Variants in DLG2 observed in about 807,000 individuals in gnomAD.
DLG2 encodes disks large homolog 2.
Under a neutral mutation model 132.5 loss-of-function variants are expected in DLG2, and 45 were observed. The observed-to-expected ratio is 0.34, with a 90% CI of 0.27 to 0.44. The LOEUF (loss-of-function observed/expected upper bound fraction) is 0.44. DLG2 is among the 20% of genes least tolerant of loss of function. The pLI, the probability that DLG2 is intolerant of heterozygous loss-of-function variation, is 1.00. For missense variants in DLG2, 1,045 were observed against 1,196.9 expected (o/e 0.87, Z 1.87); for synonymous variants, 424 against 419.6 (o/e 1.01, Z -0.13).
At chr11:84,433,710 G>A (rs1340755456) in intron 7 of DLG2, among the ~76,000 whole-genome samples, 1 of 152,164 alleles carries the variant, frequency 6.6e-6, no homozygotes, top group Non-Finnish European at 1.5e-5. Flanking sequence ...ACAATTGCCA[G>A]GCATTTAGGT....
intron 15 of DLG2, among the ~76,000 whole-genome samples, chr11:83,891,214 G>A (rs1565521686): frequency 1.3e-5 from 2 of 152,056 alleles, no homozygotes; most frequent in Non-Finnish European, 2.9e-5. Context: ...TGAAGACTTA[G>A]TGATAGGAAA....
chr11:84,810,450 C>T (rs996240770), intron 6 of DLG2, among the ~76,000 whole-genome samples: 3 of 152,096 alleles, frequency 2.0e-5, no homozygotes, highest in Non-Finnish European at 4.4e-5. Flanking sequence ...GACATCACTA[C>T]ATACAAAATG....
chr11:83,684,748 A>G (rs576524247), intron 18 of DLG2, among the ~76,000 whole-genome samples: 1 of 152,118 alleles, frequency 6.6e-6, no homozygotes, highest in Non-Finnish European at 1.5e-5. Flanking sequence ...ACCTACATTT[A>G]GCCCCCAAAT....
At chr11:84,724,656 C>T (rs1565786796) in intron 6 of DLG2, among the ~76,000 whole-genome samples, 1 of 151,962 alleles carries the variant, frequency 6.6e-6, no homozygotes. Flanking sequence ...TCAATCTTAC[C>T]AAAAAAAGGA....
At position 83,456,550 on chromosome 11, in the gene DLG2, C is replaced by T. The variant is rs75715993; in HGVS notation, c.*3268G>A. 1,193 of 149,998 alleles carry T rather than the reference C, an allele frequency of 8.0e-3. 19 individuals carry two copies. Among genetic ancestry groups the T allele is most frequent in the African/African-American group, 0.027 (1,096 of 40,506 alleles). 9.3% of individuals were successfully genotyped at this position (149,998 alleles called of 1,614,324 possible). ...AATAAGAAGGGCAGAGAAACAGAGA[C>T]TAAAGGAGAGGTGGACAAAAAGAGA... On this transcript the variant is annotated 3_prime_UTR_variant, in exon 28 of 28. Coordinates refer to ENST00000376104, the MANE Select transcript of DLG2 (RefSeq NM_001142699.3).
At chr11:83,806,685 T>C (rs1374344866) in intron 17 of DLG2, among the ~76,000 whole-genome samples, 1 of 152,160 alleles carries the variant, frequency 6.6e-6, no homozygotes, top group Non-Finnish European at 1.5e-5. Flanking sequence ...ATCGATGTCC[T>C]CATACATTAT....
At chr11:84,501,739 G>C (rs1462632673) in intron 7 of DLG2, among the ~76,000 whole-genome samples, 1 of 152,056 alleles carries the variant, frequency 6.6e-6, no homozygotes, top group Non-Finnish European at 1.5e-5. Context: ...ATGGATTAAT[G>C]TTCTCTAAAT....
intron 27 of DLG2, chr11:83,461,714 C>T (rs2090065399): frequency 3.1e-6 from 1 of 318,926 alleles, no homozygotes; most frequent in South Asian, 6.9e-5. Flanking sequence ...AGCAATGCCT[C>T]AAATCCTTTT....
chr11:85,602,387 CTTTT>C (rs1029514832), intron 2 of DLG2, among the ~76,000 whole-genome samples: 4 of 151,872 alleles, frequency 2.6e-5, no homozygotes, highest in Non-Finnish European at 5.9e-5. Context: ...AGTCTTTTCT[CTTTT>C]TTTTCTTTTT....
intron 6 of DLG2, among the ~76,000 whole-genome samples, chr11:84,951,369 G>A (rs1254849719): frequency 6.6e-6 from 1 of 152,106 alleles, no homozygotes; most frequent in Non-Finnish European, 1.5e-5. Flanking sequence ...GCATGCTTAA[G>A]TTTAGGATAA....
chr11:85,211,169 T>A (rs900535141), intron 4 of DLG2, among the ~76,000 whole-genome samples: 1 of 152,132 alleles, frequency 6.6e-6, no homozygotes, highest in Non-Finnish European at 1.5e-5. Context: ...ATATCTTTGG[T>A]AGACAAATAT....
At chr11:85,278,233 A>C (rs1010181720) in intron 4 of DLG2, among the ~76,000 whole-genome samples, 1 of 152,328 alleles carries the variant, frequency 6.6e-6, no homozygotes, top group East Asian at 1.9e-4. Context: ...TCTGAGGCTT[A>C]CTTTCCTCTT....
At chr11:85,616,125 C>T (rs905568931) in intron 2 of DLG2, among the ~76,000 whole-genome samples, 1 of 152,146 alleles carries the variant, frequency 6.6e-6, no homozygotes, top group Non-Finnish European at 1.5e-5. Context: ...AGATTCCAAT[C>T]CTGGGCTCTC....
intron 6 of DLG2, among the ~76,000 whole-genome samples, chr11:85,012,109 G>T (rs1274110174): frequency 6.7e-6 from 1 of 148,618 alleles, no homozygotes; most frequent in Non-Finnish European, 1.5e-5. Context: ...ATCACCTGAG[G>T]TTGGGAGTTC....
intron 9 of DLG2, among the ~76,000 whole-genome samples, chr11:84,147,520 TA>T (rs1346997896): frequency 6.6e-6 from 1 of 152,134 alleles, no homozygotes; most frequent in Non-Finnish European, 1.5e-5. Flanking sequence ...CTATTGAAAA[TA>T]AAACACTGTA....
intron 7 of DLG2, among the ~76,000 whole-genome samples, chr11:84,327,728 T>G (rs189861318): frequency 2.9e-4 from 44 of 152,316 alleles, no homozygotes; most frequent in African/African-American, 1.1e-3. Context: ...CATAAGAACT[T>G]TATGTTTTTG....
At chr11:83,588,739 T>A (rs866212771) in intron 19 of DLG2, among the ~76,000 whole-genome samples, 305 of 151,650 alleles carry the variant, frequency 2.0e-3, no homozygotes, top group African/African-American at 7.1e-3. Flanking sequence ...TTGAAAACTT[T>A]GAAAAAAATT....
intron 4 of DLG2, among the ~76,000 whole-genome samples, chr11:85,163,036 C>T (rs1424317946): frequency 6.6e-6 from 1 of 152,144 alleles, no homozygotes; most frequent in Non-Finnish European, 1.5e-5. Flanking sequence ...ACTAGACTGG[C>T]CTAGTTTCCC....
intron 10 of DLG2, among the ~76,000 whole-genome samples, chr11:84,082,422 T>C (rs1357168357): frequency 2.6e-5 from 4 of 152,210 alleles, no homozygotes. Flanking sequence ...CATTACTTTA[T>C]AATCAGAGAA....
Sources: allele counts gnomAD v4.1 joint callset (sites outside exome capture counted in the v4.1 genomes callset), GRCh38; gene constraint gnomAD v4.1.1; transcripts MANE v1.5; gene names NCBI Gene and HGNC (gene_info 2026-07-23, HGNC 2026-07-21).